PDS5B: variants seen among roughly 807,000 people sequenced by gnomAD.
PDS5B encodes PDS5 cohesin associated factor B.
PDS5B carries 51 observed loss-of-function variants against 184.1 expected under a neutral mutation model. The observed-to-expected ratio is 0.28, with a 90% confidence interval of 0.22 to 0.35. The LOEUF is 0.35. Ranked by LOEUF, PDS5B falls within the 10% of genes least tolerant of loss-of-function variation. The probability of loss-of-function intolerance (pLI) is 1.00; values close to 1 mark genes in which losing one functional copy is unlikely to be tolerated. For missense variants in PDS5B, 1,180 were observed against 1,723.3 expected (o/e 0.68, Z 5.58); for synonymous variants, 566 against 569.2 (o/e 0.99, Z 0.08).
At chr13:32,684,510 T>G (rs1300151678) in intron 11 of PDS5B, among the ~76,000 whole-genome samples, 1 of 152,236 alleles carries the variant, frequency 6.6e-6, no homozygotes, top group East Asian at 1.9e-4. Flanking sequence ...CTATTTTCTG[T>G]GTCCTCAAGC....
intron 25 of PDS5B, 90 bp from the exon 26 acceptor site, chr13:32,755,752 T>G: frequency 1.7e-6 from 1 of 602,072 alleles, no homozygotes; most frequent in Middle Eastern, 4.1e-4. Context: ...TATGTAAGAT[T>G]TGGTTTTCTA....
intron 24 of PDS5B, among the ~76,000 whole-genome samples, chr13:32,749,562 T>C (rs888975402): frequency 1.3e-5 from 2 of 152,202 alleles, no homozygotes; most frequent in Non-Finnish European, 2.9e-5. Flanking sequence ...TCTGTACTTC[T>C]GTGTGCTGTA....
intron 8 of PDS5B, among the ~76,000 whole-genome samples, chr13:32,674,635 A>G (rs1951019290): frequency 1.3e-5 from 2 of 151,646 alleles, no homozygotes; most frequent in Non-Finnish European, 1.5e-5. Flanking sequence ...GTATGAGAGG[A>G]AGAGGAAAAA....
rs549071194 is a variant in PDS5B at position 32,638,382 on chromosome 13, G to A, written c.-19-10372G>A. ...TTGTCATTTTTTGCAATCTGCTAGT[G>A]ACTGTGGCAAAAGCATTTTGCTGAT... is the stretch of plus-strand genomic sequence containing the variant. On this transcript the variant is annotated intron_variant, in intron 1 of 34. Coordinates refer to ENST00000315596, the MANE Select transcript of PDS5B (RefSeq NM_015032.4). Among the ~76,000 whole-genome samples the A allele has an allele frequency of 4.6e-5, 7 of 152,350 alleles. No individual in the cohort carries two copies. In the South Asian group the frequency reaches 1.4e-3, roughly 32 times the overall value.
At chr13:32,668,782 TA>T (rs1950863362) in intron 7 of PDS5B, among the ~76,000 whole-genome samples, 2 of 152,206 alleles carry the variant, frequency 1.3e-5, no homozygotes, top group South Asian at 4.1e-4. Flanking sequence ...TCTTGTAGTA[TA>T]CACAAATTTA....
chr13:32,770,679 A>G lies in PDS5B; in HGVS notation c.4090A>G (p.Ile1364Val), dbSNP rs759978437. Residue 1364 changes from isoleucine to valine, a missense_variant, in exon 33 of 35, where the codon ATT becomes GTT. Around this residue, in one of 11 missense-constraint regions of PDS5B, gnomAD observed 465 missense variants for 497.8 expected, o/e 0.93. Coordinates refer to ENST00000315596, the MANE Select transcript of PDS5B (RefSeq NM_015032.4). ...QRAESPESSAIESTQSTPQKG... is the reference protein window; with the variant it reads ...QRAESPESSAVESTQSTPQKG... ...AGCAGAATCTCCTGAATCTAGTGCA[A>G]TTGAATCCACACAGTCCACACCACA... The G allele has an allele frequency of 1.1e-5, 17 of 1,611,750 alleles. No individual in the cohort carries two copies. Among genetic ancestry groups the G allele is most frequent in the Admixed American group, 1.0e-4 (6 of 59,944 alleles).
intron 23 of PDS5B, 97 bp from the exon 24 acceptor site, chr13:32,745,880 C>CT (rs1242269343): frequency 9.6e-6 from 10 of 1,036,628 alleles, no homozygotes; most frequent in Admixed American, 7.2e-5. Flanking sequence ...TTTTTTTAAA[C>CT]TTTTTTGTGC....
intron 1 of PDS5B, among the ~76,000 whole-genome samples, chr13:32,616,476 T>C (rs1475011424): frequency 6.6e-6 from 1 of 152,256 alleles, no homozygotes; most frequent in Non-Finnish European, 1.5e-5. Flanking sequence ...CATAAAATGC[T>C]TCACCATTTT....
At chr13:32,647,471 A>G (rs1950256403) in intron 1 of PDS5B, among the ~76,000 whole-genome samples, 1 of 151,988 alleles carries the variant, frequency 6.6e-6, no homozygotes, top group African/African-American at 2.4e-5. Flanking sequence ...GGATTTTGGT[A>G]TGTTGCCCAG....
intron 1 of PDS5B, among the ~76,000 whole-genome samples, chr13:32,613,865 T>A (rs1295126757): frequency 6.6e-6 from 1 of 152,228 alleles, no homozygotes. Flanking sequence ...ATTTTATAGT[T>A]TTAGCTCTTA....
chr13:32,764,764 A>G (rs1359887017), intron 31 of PDS5B, among the ~76,000 whole-genome samples, 170 bp downstream of exon 31: 1 of 152,178 alleles, frequency 6.6e-6, no homozygotes, highest in Non-Finnish European at 1.5e-5. Context: ...ATTTAAGTAT[A>G]TAGAATCTGT....
At chr13:32,587,189 G>A (rs535131385) in intron 1 of PDS5B, among the ~76,000 whole-genome samples, 19 of 148,766 alleles carry the variant, frequency 1.3e-4, no homozygotes, top group African/African-American at 4.4e-4. Flanking sequence ...CCGGGTCCCC[G>A]CGCGCCGCCT....
intron 24 of PDS5B, among the ~76,000 whole-genome samples, chr13:32,750,075 T>G (rs1429050343): frequency 6.6e-6 from 1 of 152,240 alleles, no homozygotes; most frequent in East Asian, 1.9e-4. Context: ...CACATGATTC[T>G]CTTGAAGTAC....
chr13:32,643,739 A>G (rs1950156234), intron 1 of PDS5B, among the ~76,000 whole-genome samples: 1 of 152,182 alleles, frequency 6.6e-6, no homozygotes, highest in African/African-American at 2.4e-5. Flanking sequence ...GCTATACCAT[A>G]TAGCCTAGGT....
At chr13:32,676,892 C>G (rs1951079443) in intron 9 of PDS5B, among the ~76,000 whole-genome samples, 1 of 134,992 alleles carries the variant, frequency 7.4e-6, no homozygotes, top group South Asian at 2.3e-4. Flanking sequence ...GATGGCACCA[C>G]TGCATTCCAG....
At chr13:32,693,309 A>G (rs1433251258) in intron 13 of PDS5B, among the ~76,000 whole-genome samples, 1 of 151,988 alleles carries the variant, frequency 6.6e-6, no homozygotes, top group African/African-American at 2.4e-5. Context: ...TGCTTTTGCC[A>G]GTACCATTTT....
chr13:32,683,842 T>C, intron 10 of PDS5B, 36 bp from the exon 11 acceptor site: 2 of 1,441,068 alleles, frequency 1.4e-6, no homozygotes, highest in South Asian at 1.2e-5. Context: ...ATTTTAGTTA[T>C]TAAAATTTCC....
chr13:32,649,410 C>T (rs1950310935), intron 2 of PDS5B: 1 of 152,188 alleles, frequency 6.6e-6, no homozygotes, highest in East Asian at 1.9e-4. Flanking sequence ...TTCACCTTTT[C>T]CTTTAGGGTG....
At chr13:32,718,730 C>G (rs1013918760) in intron 19 of PDS5B, among the ~76,000 whole-genome samples, 1 of 151,964 alleles carries the variant, frequency 6.6e-6, no homozygotes, top group Non-Finnish European at 1.5e-5. Flanking sequence ...GAGAATCAAC[C>G]GAAAAACTAC....
Sources: gnomAD v4.1 joint callset for allele counts (sites outside exome capture counted in the v4.1 genomes callset) on GRCh38, gnomAD v4.1.1 for gene constraint, gnomAD v4.1.1 regional missense constraint, MANE v1.5 for transcripts, NCBI Gene and HGNC (gene_info 2026-07-23, HGNC 2026-07-21) for gene names.